The following GYS2 variants were observed in gnomAD, a reference collection of about 807,000 sequenced individuals.
The protein encoded by GYS2 is glycogen [starch] synthase, liver.
In GYS2, 80 loss-of-function variants were observed where a neutral mutation model predicts 85.6. The ratio of observed to expected loss-of-function variants is 0.93; its 90% CI spans 0.78 to 1.13. The LOEUF (loss-of-function observed/expected upper bound fraction) is 1.13. Among genes scored for constraint, GYS2 ranks in the 50% most tolerant of loss-of-function variants. GYS2 has a pLI of 0.00. For missense variants in GYS2, 881 were observed against 854.9 expected, an observed-to-expected ratio of 1.03 and a Z score of -0.38; for synonymous variants, 328 against 300.7, an observed-to-expected ratio of 1.09 and a Z score of -0.94.
intron 5 of GYS2, among the ~76,000 whole-genome samples, chr12:21,566,970 A>G (rs1010036484): frequency 4.6e-5 from 7 of 152,240 alleles, no homozygotes; most frequent in Admixed American, 4.6e-4. Context: ...AAAAGAAAGT[A>G]GAAAAATGAT....
At chr12:21,587,431 A>G (rs1304804972) in intron 1 of GYS2, among the ~76,000 whole-genome samples, 3 of 152,196 alleles carry the variant, frequency 2.0e-5, no homozygotes, top group Non-Finnish European at 2.9e-5. Context: ...TGAATCATAG[A>G]GGAGGTTACT....
chr12:21,545,615 T>C (rs1317662415), intron 12 of GYS2, among the ~76,000 whole-genome samples: 2 of 152,234 alleles, frequency 1.3e-5, no homozygotes, highest in South Asian at 2.1e-4. Context: ...TTGGTCGCTC[T>C]TGATGCTAAT....
chr12:21,592,673 C>G (rs1944652695), intron 1 of GYS2, among the ~76,000 whole-genome samples: 1 of 151,940 alleles, frequency 6.6e-6, no homozygotes, highest in African/African-American at 2.4e-5. Context: ...GAAATAGAAT[C>G]CAATACAATA....
At chr12:21,557,072 C>G (rs1396233850) in intron 11 of GYS2, among the ~76,000 whole-genome samples, 2 of 152,092 alleles carry the variant, frequency 1.3e-5, no homozygotes, top group African/African-American at 4.8e-5. Flanking sequence ...AGGTCAAAAT[C>G]TACATTTGGG....
chr12:21,561,200 A>G (rs1374706281), intron 7 of GYS2, among the ~76,000 whole-genome samples: 1 of 152,236 alleles, frequency 6.6e-6, no homozygotes, highest in African/African-American at 2.4e-5. Context: ...ATGAGAGGTT[A>G]AATATTTTCT....
At chr12:21,589,194 C>T (rs1591808804) in intron 1 of GYS2, among the ~76,000 whole-genome samples, 1 of 152,118 alleles carries the variant, frequency 6.6e-6, no homozygotes, top group South Asian at 2.1e-4. Flanking sequence ...AATTCATATA[C>T]ACTTTGGTAG....
chr12:21,534,928 G>T (rs1311725082), downstream of GYS2: 3 of 152,174 alleles, frequency 2.0e-5, no homozygotes, highest in Admixed American at 6.5e-5. Context: ...ACAAGGCACT[G>T]TACTAGACAC....
In GYS2 at chr12:21,604,706, G is replaced by A; in HGVS notation, c.-114C>T. 3 of 1,563,950 alleles carry A rather than the reference G, an allele frequency of 1.9e-6. No individual in the cohort carries two copies. The highest frequency in any genetic ancestry group is 4.7e-5 in the East Asian group (2 of 42,786). ...GAGTTGGTAGAGTTACCAGGCTTTG[G>A]TAGCTTCTCTTGGGAATAAACTAGT... On this transcript the variant is annotated 5_prime_UTR_variant, in exon 1 of 16. Transcript: ENST00000261195.
intron 1 of GYS2, among the ~76,000 whole-genome samples, chr12:21,590,574 A>G (rs1448003040): frequency 3.3e-5 from 5 of 152,038 alleles, no homozygotes; most frequent in African/African-American, 1.2e-4. Flanking sequence ...TACAGCCATC[A>G]CCCACACCAC....
At position 21,543,984 on chromosome 12, in the gene GYS2, T is replaced by C. The variant is rs549399039; in HGVS notation, c.1550-1393A>G. 2.6e-5 allele frequency among the ~76,000 whole-genome samples: 4 copies of C among 152,356 alleles called. No homozygotes were observed. The East Asian group carries it at 7.7e-4, about 29-fold the overall frequency. On this transcript the variant is annotated intron_variant, in intron 12 of 15. Transcript: ENST00000261195. ...TTATTAAATGGCCATCAATTCACTATGTAGTAATATTCCAGGCACCCATGA... is the reference window on the plus strand; with the variant it reads ...TTATTAAATGGCCATCAATTCACTACGTAGTAATATTCCAGGCACCCATGA...
At chr12:21,596,558 G>A (rs1944699128) in intron 1 of GYS2, among the ~76,000 whole-genome samples, 1 of 152,230 alleles carries the variant, frequency 6.6e-6, no homozygotes, top group African/African-American at 2.4e-5. Context: ...ATACATTTAT[G>A]ATTAAAATGC....
rs1944274910 is a variant in GYS2 at position 21,563,058 on chromosome 12, A to T, written c.942-20T>A. ...AGATGACTAAAACAAAACAAAACCA[A>T]ACAGTTTCAAATGAAATACAGCAAC... On this transcript the variant is annotated intron_variant, in intron 6 of 15. Transcript: ENST00000261195. The T allele has an allele frequency of 6.4e-7, 1 of 1,563,844 alleles. No homozygotes were observed. Among genetic ancestry groups the T allele is most frequent in the Non-Finnish European group, 8.8e-7 (1 of 1,134,480 alleles).
At chr12:21,562,369 G>A (rs1944264157) in intron 7 of GYS2, among the ~76,000 whole-genome samples, 2 of 152,032 alleles carry the variant, frequency 1.3e-5, no homozygotes, top group Non-Finnish European at 2.9e-5. Context: ...CCAGCTATGT[G>A]GCACGTGCTA....
chr12:21,582,371 T>C (rs962435484), intron 1 of GYS2, among the ~76,000 whole-genome samples: 2 of 151,954 alleles, frequency 1.3e-5, no homozygotes, highest in Non-Finnish European at 2.9e-5. Context: ...GGCAGAAAAA[T>C]GTGAAAAGGC....
At chr12:21,555,573 C>G (rs1486225497) in intron 11 of GYS2, among the ~76,000 whole-genome samples, 3 of 152,204 alleles carry the variant, frequency 2.0e-5, no homozygotes, top group Non-Finnish European at 4.4e-5. Flanking sequence ...TTTGTCTCAT[C>G]TGAGTTCCTC....
downstream of GYS2, chr12:21,534,893 C>G (rs1565588978): frequency 6.6e-6 from 1 of 152,180 alleles, no homozygotes; most frequent in Non-Finnish European, 1.5e-5. Context: ...CCCAATAAGA[C>G]CATTTATCTA....
chr12:21,589,199 T>C (rs1944607449), intron 1 of GYS2, among the ~76,000 whole-genome samples: 1 of 152,218 alleles, frequency 6.6e-6, no homozygotes, highest in African/African-American at 2.4e-5. Flanking sequence ...ATATACACTT[T>C]GGTAGATGCA....
chr12:21,539,166 C>A, intron 15 of GYS2, 92 bp downstream of exon 15: 1 of 766,702 alleles, frequency 1.3e-6, no homozygotes. Context: ...AGTATCATAG[C>A]TTGTGTGCAT....
chr12:21,537,076 C>G lies in GYS2; in HGVS notation c.1990G>C (p.Glu664Gln). The G allele has an allele frequency of 6.2e-7, 1 of 1,613,852 alleles. No homozygotes were observed. Among genetic ancestry groups the G allele is most frequent in the Non-Finnish European group, 8.5e-7 (1 of 1,179,802 alleles). Residue 664 changes from glutamate (E) to glutamine (Q), a missense_variant, in exon 16 of 16, where the codon GAG becomes CAG. By Grantham distance (29) the Glu-to-Gln change is conservative. Transcript: ENST00000261195. ...PQSSDVEDEVEDERYDEEEEA... is the reference protein window; with the variant it reads ...PQSSDVEDEVQDERYDEEEEA... ...TCTTCCTCATCGTATCTCTCATCCT[C>G]CACTTCATCTTCCACATCACTGCTC...
Sources: gnomAD v4.1 joint callset for allele counts (sites outside exome capture counted in the v4.1 genomes callset) on GRCh38, gnomAD v4.1.1 for gene constraint, MANE v1.5 for transcripts, NCBI Gene and HGNC (gene_info 2026-07-23, HGNC 2026-07-21) for gene names.